Variants in HCRTR2 observed in about 807,000 individuals in gnomAD.
The protein encoded by HCRTR2 is hypocretin receptor 2, also known as orexin receptor type 2.
In HCRTR2, 22 loss-of-function variants were observed where a neutral mutation model predicts 49.0. That is an observed-to-expected ratio of 0.45 (90% CI 0.32 to 0.64). HCRTR2 has a LOEUF of 0.64. HCRTR2 is among the 30% of genes least tolerant of loss of function. The pLI is 0.04. For missense variants in HCRTR2, 491 were observed against 559.4 expected (o/e 0.88, Z 1.23); for synonymous variants, 236 against 205.3 (o/e 1.15, Z -1.28).
chr6:55,124,201 G>T (rs1561978977), intron 1 of HCRTR2, among the ~76,000 whole-genome samples: 1 of 151,830 alleles, frequency 6.6e-6, no homozygotes. Flanking sequence ...TTTTAATTTT[G>T]GTGTCAGAGT....
At chr6:55,164,651 C>T (rs948553450) in intron 1 of HCRTR2, among the ~76,000 whole-genome samples, 6 of 152,078 alleles carry the variant, frequency 3.9e-5, no homozygotes, top group African/African-American at 1.4e-4. Flanking sequence ...GGAGGGATAA[C>T]ATTAGGAGAA....
At chr6:55,182,366 C>A (rs1479953158) in intron 1 of HCRTR2, among the ~76,000 whole-genome samples, 2 of 152,204 alleles carry the variant, frequency 1.3e-5, no homozygotes, top group African/African-American at 4.8e-5. Context: ...ATAACAGGAG[C>A]TTACAGCTTC....
chr6:55,135,860 G>A (rs1764426873), intron 1 of HCRTR2, among the ~76,000 whole-genome samples: 1 of 152,118 alleles, frequency 6.6e-6, no homozygotes, highest in East Asian at 1.9e-4. Context: ...GACCGCAGTA[G>A]CGTTGCTTAT....
intron 1 of HCRTR2, among the ~76,000 whole-genome samples, chr6:55,229,125 G>C: frequency 6.6e-6 from 1 of 152,170 alleles, no homozygotes. Context: ...GATGACAAAT[G>C]CTAGCAAGGA....
At chr6:55,284,553 CTT>C (rs1454569859), downstream of HCRTR2, among the ~76,000 whole-genome samples, 3 of 152,224 alleles carry the variant, frequency 2.0e-5, no homozygotes, top group African/African-American at 7.2e-5. Flanking sequence ...GAAATAAAGT[CTT>C]TTACTGCACA....
intron 1 of HCRTR2, among the ~76,000 whole-genome samples, chr6:55,190,951 T>C (rs1263971041): frequency 2.6e-5 from 4 of 152,130 alleles, no homozygotes; most frequent in African/African-American, 9.7e-5. Flanking sequence ...TGGAGGCCAA[T>C]TGACAAGCCA....
chr6:55,153,716 T>A (rs1764692894), intron 1 of HCRTR2, among the ~76,000 whole-genome samples: 1 of 151,952 alleles, frequency 6.6e-6, no homozygotes, highest in Admixed American at 6.6e-5. Flanking sequence ...TGGTGGAGTC[T>A]AATTATTCAA....
At chr6:55,151,431 C>T (rs900993319) in intron 1 of HCRTR2, among the ~76,000 whole-genome samples, 1 of 151,914 alleles carries the variant, frequency 6.6e-6, no homozygotes, top group Non-Finnish European at 1.5e-5. Context: ...TCTTAAGAAA[C>T]CACTTTATTT....
Position 55,120,825 on chromosome 6 carries a change from T to C in HCRTR2, c.-378+14280T>C, listed in dbSNP as rs977828757. Among the ~76,000 whole-genome samples, 7 of 152,064 alleles carry C rather than the reference T, an allele frequency of 4.6e-5. No individual in the cohort carries two copies. The East Asian group carries it at 9.6e-4, about 21-fold the overall frequency. On this transcript the variant is annotated intron_variant, in intron 1 of 7. Coordinates refer to the HCRTR2 transcript ENST00000615358. ...GTGGTGAGAGATCTGTTCTGTTCCA[T>C]TGGTCTGTATCTCTGTTTTGGTACC...
intron 3 of HCRTR2, among the ~76,000 whole-genome samples, chr6:55,262,042 CAT>C: frequency 6.6e-6 from 1 of 151,946 alleles, no homozygotes; most frequent in Non-Finnish European, 1.5e-5. Context: ...AACCAAACAA[CAT>C]ATGTTCTCAC....
At chr6:55,165,399 T>TTG (rs1203721661) in intron 1 of HCRTR2, among the ~76,000 whole-genome samples, 1 of 152,062 alleles carries the variant, frequency 6.6e-6, no homozygotes, top group Non-Finnish European at 1.5e-5. Flanking sequence ...GTCCTTTCAA[T>TTG]AAAGGTGTTG....
intron 1 of HCRTR2, among the ~76,000 whole-genome samples, chr6:55,245,842 G>A (rs1766433042): frequency 6.6e-6 from 1 of 151,868 alleles, no homozygotes; most frequent in Non-Finnish European, 1.5e-5. Context: ...GATTTGAATT[G>A]TGTTTCTCCA....
rs1364598150 is a variant in HCRTR2, at chr6:55,220,642, A to G, written c.224-27997A>G. Among the ~76,000 whole-genome samples, 3 of 152,196 alleles carry G rather than the reference A, an allele frequency of 2.0e-5. No individual in the cohort carries two copies. The South Asian group carries it at 6.2e-4, about 31-fold the overall frequency. On this transcript the variant is annotated intron_variant, in intron 1 of 6. Transcript: ENST00000370862. ...AACTGAAAGCTTTTCCTCCAAGATC[A>G]GGAACTAGGTAAGAATGTCCATTCT...
chr6:55,132,537 C>G (rs1764371993), intron 1 of HCRTR2, among the ~76,000 whole-genome samples: 1 of 151,850 alleles, frequency 6.6e-6, no homozygotes, highest in African/African-American at 2.4e-5. Flanking sequence ...AACAGAGAAA[C>G]AGATGGAATG....
chr6:55,157,333 T>C (rs933666549), intron 1 of HCRTR2, among the ~76,000 whole-genome samples: 1 of 152,234 alleles, frequency 6.6e-6, no homozygotes, highest in South Asian at 2.1e-4. Flanking sequence ...ACAAGTTTTA[T>C]GTACTGAAAA....
At chr6:55,269,873 A>G (rs1442691781) in intron 4 of HCRTR2, among the ~76,000 whole-genome samples, 1 of 152,150 alleles carries the variant, frequency 6.6e-6, no homozygotes. Flanking sequence ...CTGAGGCATG[A>G]GAATCATTTG....
In HCRTR2 at chr6:55,151,127, T is replaced by G. The variant is rs571157770; in HGVS notation, c.-377-23084T>G. On this transcript the variant is annotated intron_variant, in intron 1 of 7. Coordinates refer to the HCRTR2 transcript ENST00000615358. ...CCACTGGGTCTTGCCTCAATGTTGATGGTTGCTGACTTATGAGGGCAATGG... is the reference window on the plus strand; with the variant it reads ...CCACTGGGTCTTGCCTCAATGTTGAGGGTTGCTGACTTATGAGGGCAATGG... Among the ~76,000 whole-genome samples the G allele has an allele frequency of 3.3e-5, 5 of 152,200 alleles. 1 individual carries two copies. The highest frequency in any genetic ancestry group is 9.6e-5 in the African/African-American group (4 of 41,570).
At chr6:55,210,898 G>A (rs1390914820) in intron 1 of HCRTR2, among the ~76,000 whole-genome samples, 3 of 152,066 alleles carry the variant, frequency 2.0e-5, no homozygotes, top group Non-Finnish European at 4.4e-5. Context: ...CTAAGAGTAC[G>A]CTCATGCACC....
chr6:55,119,459 T>G (rs901808972), intron 1 of HCRTR2, among the ~76,000 whole-genome samples: 3 of 152,098 alleles, frequency 2.0e-5, no homozygotes, highest in African/African-American at 4.8e-5. Context: ...TCCTGACTTT[T>G]TAATGATTGC....
Sources: allele counts gnomAD v4.1 joint callset (sites outside exome capture counted in the v4.1 genomes callset), GRCh38; gene constraint gnomAD v4.1.1; transcripts MANE v1.5; gene names NCBI Gene and HGNC (gene_info 2026-07-23, HGNC 2026-07-21).